Variants in ZNF148 observed in about 807,000 individuals in gnomAD.
ZNF148 encodes Beta-Enolase Repressor Factor-1.
Under a neutral mutation model 67.7 loss-of-function variants are expected in ZNF148, and 7 were observed. The observed-to-expected ratio is 0.10, with a 90% CI of 0.06 to 0.19. ZNF148 has a LOEUF of 0.19. ZNF148 is among the 10% of genes least tolerant of loss of function. ZNF148 has a pLI of 1.00. For missense variants in ZNF148, 583 were observed against 947.1 expected (o/e 0.62, Z 5.05); for synonymous variants, 333 against 330.7 (o/e 1.01, Z -0.08).
At chr3:125,293,615 A>C (rs1372009354) in intron 4 of ZNF148, among the ~76,000 whole-genome samples, 15 of 152,238 alleles carry the variant, frequency 9.9e-5, no homozygotes, top group Non-Finnish European at 1.5e-5. Context: ...CCAGACTGAA[A>C]GAGCTCCTAA....
intron 6 of ZNF148, among the ~76,000 whole-genome samples, chr3:125,278,013 GA>G (rs947160818): frequency 1.3e-5 from 2 of 151,656 alleles, no homozygotes; most frequent in African/African-American, 2.4e-5. Flanking sequence ...CACAATCACA[GA>G]AAAATAAGAT....
chr3:125,227,095 T>C lies in ZNF148; in HGVS notation c.*5246A>G, dbSNP rs1272185214. ...CTTCCCAAGACACACGATGCCCCCC[T>C]TTCCCTCGGAAATTTGCTCTAGCAT... On this transcript the variant is annotated 3_prime_UTR_variant, in exon 9 of 9. Coordinates refer to ENST00000360647, the MANE Select transcript of ZNF148 (RefSeq NM_021964.3). 6.6e-6 allele frequency: 1 copy of C among 150,956 alleles called. No individual in the cohort carries two copies. Among genetic ancestry groups the C allele is most frequent in the Non-Finnish European group, 1.5e-5 (1 of 68,016 alleles). The allele number at this position is 150,956 out of a possible 1,614,324, so 9.4% of individuals were successfully genotyped here.
chr3:125,346,026 A>G (rs1941929063), intron 1 of ZNF148, among the ~76,000 whole-genome samples: 1 of 152,218 alleles, frequency 6.6e-6, no homozygotes, highest in South Asian at 2.1e-4. Flanking sequence ...AGACATCACA[A>G]GAAAAGAAAA....
Position 125,276,662 on chromosome 3 carries a change from G to A in ZNF148, c.667+1064C>T, listed in dbSNP as rs1938093024. ...TTGGTCAGGCTGGTATCGAACTCCC[G>A]ACCTCAAGTGATCCGCCCACCTCAG... is the stretch of plus-strand genomic sequence containing the variant. On this transcript the variant is annotated intron_variant, in intron 7 of 8. Coordinates refer to ENST00000360647, the MANE Select transcript of ZNF148 (RefSeq NM_021964.3). 5.3e-5 allele frequency among the ~76,000 whole-genome samples: 8 copies of A among 152,050 alleles called. 1 individual carries two copies. In the South Asian group the frequency reaches 8.3e-4, roughly 16 times the overall value.
intron 1 of ZNF148, among the ~76,000 whole-genome samples, chr3:125,358,456 G>A (rs1051426432): frequency 7.2e-5 from 11 of 152,212 alleles, no homozygotes; most frequent in African/African-American, 2.2e-4. Flanking sequence ...CAAACACTGC[G>A]TTTTTCTTGT....
At chr3:125,240,915 A>G (rs1021343540) in intron 7 of ZNF148, among the ~76,000 whole-genome samples, 1 of 152,214 alleles carries the variant, frequency 6.6e-6, no homozygotes, top group Admixed American at 6.5e-5. Flanking sequence ...TCAGTCAAAA[A>G]TGAATGCAAA....
intron 4 of ZNF148, among the ~76,000 whole-genome samples, chr3:125,291,144 TTA>T (rs1405995979): frequency 6.6e-6 from 1 of 152,150 alleles, no homozygotes; most frequent in Non-Finnish European, 1.5e-5. Flanking sequence ...TGGAATCATT[TTA>T]GACTCTTCTC....
chr3:125,339,001 T>C (rs1248733815), intron 1 of ZNF148: 1 of 152,172 alleles, frequency 6.6e-6, no homozygotes, highest in Non-Finnish European at 1.5e-5. Flanking sequence ...AAGAATCAAT[T>C]AGAGAATACT....
chr3:125,357,982 C>T (rs1181653425), intron 1 of ZNF148, among the ~76,000 whole-genome samples: 2 of 152,174 alleles, frequency 1.3e-5, no homozygotes, highest in Non-Finnish European at 2.9e-5. Flanking sequence ...TCTAAACCAT[C>T]TTTCCATTTT....
chr3:125,347,102 G>GA, intron 1 of ZNF148, among the ~76,000 whole-genome samples: 1 of 151,768 alleles, frequency 6.6e-6, no homozygotes, highest in Non-Finnish European at 1.5e-5. Context: ...ATAATAGCAG[G>GA]AAAAAAATAA....
At chr3:125,318,460 CT>C (rs1207826300) in intron 3 of ZNF148, among the ~76,000 whole-genome samples, 2 of 151,896 alleles carry the variant, frequency 1.3e-5, no homozygotes, top group Non-Finnish European at 2.9e-5. Context: ...AGAAAGAATG[CT>C]TCCTTTAAAT....
At chr3:125,349,151 A>C (rs1173876117) in intron 1 of ZNF148, among the ~76,000 whole-genome samples, 1 of 152,226 alleles carries the variant, frequency 6.6e-6, no homozygotes, top group Non-Finnish European at 1.5e-5. Context: ...AACATGGGAG[A>C]AAAGCTTCAT....
chr3:125,262,814 C>T (rs1195705345), intron 7 of ZNF148, among the ~76,000 whole-genome samples: 2 of 152,140 alleles, frequency 1.3e-5, no homozygotes, highest in African/African-American at 4.8e-5. Context: ...ATGGTTAAGC[C>T]CACCAGAGCA....
chr3:125,321,412 C>G (rs1940765757), intron 3 of ZNF148, among the ~76,000 whole-genome samples: 1 of 132,136 alleles, frequency 7.6e-6, no homozygotes, highest in Non-Finnish European at 1.7e-5. Flanking sequence ...TTAAAAAAAA[C>G]TCTATTTTTT....
chr3:125,334,173 T>A (rs768833341), intron 1 of ZNF148, among the ~76,000 whole-genome samples: 1 of 152,230 alleles, frequency 6.6e-6, no homozygotes, highest in African/African-American at 2.4e-5. Context: ...CTATTTAGTT[T>A]TGATAGACTG....
chr3:125,247,244 T>C (rs937546564), intron 7 of ZNF148, among the ~76,000 whole-genome samples: 5 of 152,210 alleles, frequency 3.3e-5, no homozygotes, highest in Non-Finnish European at 7.3e-5. Flanking sequence ...TTCAGAAAGA[T>C]TGGCAATGTT....
Position 125,313,311 on chromosome 3 carries a change from G to A in ZNF148, c.330C>T (p.Val110=). 1 of 1,603,290 alleles carries A rather than the reference G, an allele frequency of 6.2e-7. No homozygotes were observed. The highest frequency in any genetic ancestry group is 2.2e-5 in the East Asian group (1 of 44,658). ...LPQGLQYALN[V]PISVKQEITF... ...ATCTTATAAAGGAATTACTTACAGG[G>A]ACATTAAGTGCATACTGTAGTCCTT... The change falls in exon 4 of 9, where the codon GTC becomes GTT. Residue 110 remains valine (V), a synonymous_variant. Coordinates refer to ENST00000360647, the MANE Select transcript of ZNF148 (RefSeq NM_021964.3).
intron 7 of ZNF148, among the ~76,000 whole-genome samples, chr3:125,255,933 T>TA (rs1274973831): frequency 6.6e-6 from 1 of 152,150 alleles, no homozygotes; most frequent in East Asian, 1.9e-4. Context: ...GGTTCGTTTT[T>TA]TAAAAAAAAT....
intron 6 of ZNF148, among the ~76,000 whole-genome samples, chr3:125,278,148 T>A (rs534511414): frequency 3.3e-5 from 5 of 152,300 alleles, no homozygotes; most frequent in Admixed American, 2.0e-4. Context: ...CTTTTCTTCC[T>A]TTTTATCTGG....
Sources: gnomAD v4.1 joint callset for allele counts (sites outside exome capture counted in the v4.1 genomes callset) on GRCh38, gnomAD v4.1.1 for gene constraint, MANE v1.5 for transcripts, NCBI Gene and HGNC (gene_info 2026-07-23, HGNC 2026-07-21) for gene names.